GRID2: variants seen among roughly 807,000 people sequenced by gnomAD.
GRID2 encodes glutamate receptor ionotropic, delta-2.
In GRID2, 33 loss-of-function variants were observed where a neutral mutation model predicts 114.8. That is an observed-to-expected ratio of 0.29 (90% CI 0.22 to 0.38). The LOEUF is 0.38. Among genes scored for constraint, GRID2 ranks in the 10% least tolerant of loss-of-function variants. GRID2 has a pLI of 1.00. For missense variants in GRID2, 1,184 were observed against 1,257.7 expected, an observed-to-expected ratio of 0.94 and a Z score of 0.89; for synonymous variants, 505 against 449.9, an observed-to-expected ratio of 1.12 and a Z score of -1.55.
At chr4:92,909,843 G>C (rs1286823754) in intron 2 of GRID2, among the ~76,000 whole-genome samples, 1 of 152,014 alleles carries the variant, frequency 6.6e-6, no homozygotes, top group Non-Finnish European at 1.5e-5. Context: ...CTTAACCAAA[G>C]AGCAAGGCAT....
chr4:93,714,496 G>A (rs1431651898), intron 14 of GRID2, among the ~76,000 whole-genome samples: 1 of 152,118 alleles, frequency 6.6e-6, no homozygotes, highest in Admixed American at 6.5e-5. Flanking sequence ...TCTGCCGCTA[G>A]GTCTTTAAGG....
At chr4:93,410,428 A>G (rs1429782641) in intron 9 of GRID2, among the ~76,000 whole-genome samples, 2 of 152,062 alleles carry the variant, frequency 1.3e-5, no homozygotes, top group African/African-American at 4.8e-5. Flanking sequence ...TTTTGTCTTC[A>G]TGATCTTCTA....
At chr4:93,235,492 A>T (rs754924943) in intron 7 of GRID2, among the ~76,000 whole-genome samples, 1 of 152,152 alleles carries the variant, frequency 6.6e-6, no homozygotes, top group Non-Finnish European at 1.5e-5. Flanking sequence ...TTGAGGATAG[A>T]TGGAAAAAAG....
rs1304548928 is a variant in GRID2, at chr4:92,940,181, A to C, written c.245-144814A>C. On this transcript the variant is annotated intron_variant, in intron 2 of 15. Transcript: ENST00000282020. Reference sequence around the variant, plus strand: ...CAGTTTGGCCATTTTCACAATATTGATTCTTCCTACCCATGAGCATGGAAT... The same window carrying C: ...CAGTTTGGCCATTTTCACAATATTGCTTCTTCCTACCCATGAGCATGGAAT... 2.0e-5 allele frequency among the ~76,000 whole-genome samples: 3 copies of C among 147,018 alleles called. 1 individual carries two copies. In the Admixed American group the frequency reaches 2.2e-4, roughly 11 times the overall value.
intron 14 of GRID2, among the ~76,000 whole-genome samples, chr4:93,712,050 T>G (rs1728532618): frequency 1.3e-5 from 2 of 152,178 alleles, no homozygotes; most frequent in Non-Finnish European, 2.9e-5. Context: ...TAAGATTCCT[T>G]TGTTGTTTTC....
chr4:92,416,309 T>A (rs765968760), intron 1 of GRID2, among the ~76,000 whole-genome samples: 23 of 152,168 alleles, frequency 1.5e-4, no homozygotes, highest in African/African-American at 5.5e-4. Flanking sequence ...TATTCGTCCT[T>A]TGTCGGATGC....
chr4:92,384,578 ATATAT>A (rs1421513438), intron 1 of GRID2, among the ~76,000 whole-genome samples: 7 of 68,042 alleles, frequency 1.0e-4, no homozygotes, highest in East Asian at 6.5e-4. Context: ...AATATATAAA[ATATAT>A]TATATTATAT....
At chr4:92,396,893 T>G (rs1057175007) in intron 1 of GRID2, among the ~76,000 whole-genome samples, 2 of 152,078 alleles carry the variant, frequency 1.3e-5, no homozygotes, top group Non-Finnish European at 2.9e-5. Context: ...TCCTTTTTAT[T>G]TGCTTCTCTG....
chr4:93,434,496 T>C (rs1012743407), intron 10 of GRID2, among the ~76,000 whole-genome samples: 8 of 152,084 alleles, frequency 5.3e-5, no homozygotes, highest in African/African-American at 1.9e-4. Context: ...CAACAATCTC[T>C]TCTAAACTCA....
chr4:93,741,174 C>CATATATATATATATATATACATAT (rs1731347248), intron 14 of GRID2, among the ~76,000 whole-genome samples: 1 of 41,228 alleles, frequency 2.4e-5, no homozygotes, highest in African/African-American at 1.2e-4. Flanking sequence ...TATATATATA[C>CATATATATATATATATATACATAT]ATATATATAT....
chr4:93,019,065 G>A (rs1723032511), intron 2 of GRID2, among the ~76,000 whole-genome samples: 1 of 152,104 alleles, frequency 6.6e-6, no homozygotes, highest in Non-Finnish European at 1.5e-5. Context: ...AGAGGATGTT[G>A]TGAAATAGCA....
intron 2 of GRID2, among the ~76,000 whole-genome samples, chr4:92,836,994 G>T (rs758804776): frequency 6.6e-6 from 1 of 152,048 alleles, no homozygotes; most frequent in Non-Finnish European, 1.5e-5. Context: ...AACACCAAGG[G>T]TTCAGTCTAG....
intron 13 of GRID2, among the ~76,000 whole-genome samples, chr4:93,595,254 CT>C (rs1485777562): frequency 1.3e-5 from 2 of 152,194 alleles, no homozygotes; most frequent in African/African-American, 4.8e-5. Context: ...TGTGGCCTCT[CT>C]TATGACACCT....
intron 3 of GRID2, among the ~76,000 whole-genome samples, chr4:93,090,957 T>C (rs1469916060): frequency 6.6e-6 from 1 of 151,964 alleles, no homozygotes. Context: ...TTTGTGAGAG[T>C]AGTTGATTAG....
At chr4:92,862,209 A>G (rs139090101) in intron 2 of GRID2, among the ~76,000 whole-genome samples, 7 of 152,124 alleles carry the variant, frequency 4.6e-5, no homozygotes, top group African/African-American at 9.6e-5. Context: ...TAACAAAGCT[A>G]TCTGTAATTT....
At chr4:92,709,587 A>ATATATATATATAT (rs1296707680) in intron 2 of GRID2, among the ~76,000 whole-genome samples, 2 of 119,898 alleles carry the variant, frequency 1.7e-5, no homozygotes, top group African/African-American at 6.6e-5. Context: ...AAAAAAAAAA[A>ATATATATATATAT]AAATATATAT....
At chr4:92,336,793 G>A (rs1727192298) in intron 1 of GRID2, among the ~76,000 whole-genome samples, 1 of 151,764 alleles carries the variant, frequency 6.6e-6, no homozygotes, top group Admixed American at 6.6e-5. Flanking sequence ...TTTCTCAAAG[G>A]TGTCATGCTG....
intron 2 of GRID2, among the ~76,000 whole-genome samples, chr4:92,758,765 A>T (rs946081081): frequency 6.6e-6 from 1 of 152,136 alleles, no homozygotes; most frequent in Non-Finnish European, 1.5e-5. Context: ...TTACATTTTA[A>T]TTAAAGTATT....
At chr4:93,011,306 C>G (rs542230539) in intron 2 of GRID2, among the ~76,000 whole-genome samples, 7 of 151,892 alleles carry the variant, frequency 4.6e-5, no homozygotes, top group African/African-American at 1.4e-4. Flanking sequence ...CCTAAACAAG[C>G]AGAAGCTCTC....
Sources: gnomAD v4.1 joint callset for allele counts (sites outside exome capture counted in the v4.1 genomes callset) on GRCh38, gnomAD v4.1.1 for gene constraint, MANE v1.5 for transcripts, NCBI Gene and HGNC (gene_info 2026-07-23, HGNC 2026-07-21) for gene names.